Variants in WIPF2 observed in about 807,000 individuals in gnomAD.
WIPF2 encodes WAS/WASL interacting protein family member 2, also known as WAS/WASL-interacting protein family member 2.
In WIPF2, 23 loss-of-function variants were observed where a neutral mutation model predicts 38.8. That is an observed-to-expected ratio of 0.59 (90% CI 0.43 to 0.84). The LOEUF is 0.84. Ranked by LOEUF, WIPF2 falls within the 40% of genes least tolerant of loss-of-function variation. The pLI, the probability that WIPF2 is intolerant of heterozygous loss-of-function variation, is 0.00. For missense variants in WIPF2, 574 were observed against 580.5 expected (o/e 0.99, Z 0.11); for synonymous variants, 210 against 223.2 (o/e 0.94, Z 0.53).
chr17:40,246,285 C>T (rs1024771181), intron 1 of WIPF2, among the ~76,000 whole-genome samples: 3 of 151,784 alleles, frequency 2.0e-5, no homozygotes, highest in African/African-American at 7.3e-5. Flanking sequence ...GGGGTTTCAC[C>T]ACGTTGGCCA....
chr17:40,223,324 A>G (rs899095176), intron 1 of WIPF2, among the ~76,000 whole-genome samples: 2 of 151,876 alleles, frequency 1.3e-5, no homozygotes, highest in African/African-American at 2.4e-5. Flanking sequence ...TTTTTAGTAG[A>G]GACAGGGTTT....
chr17:40,246,482 T>G (rs2031368400), intron 1 of WIPF2, among the ~76,000 whole-genome samples: 1 of 143,730 alleles, frequency 7.0e-6, no homozygotes, highest in African/African-American at 2.6e-5. Context: ...CACTGCAACC[T>G]CCACCTCCTG....
At chr17:40,245,317 G>A (rs916089384) in intron 1 of WIPF2, among the ~76,000 whole-genome samples, 1 of 151,786 alleles carries the variant, frequency 6.6e-6, no homozygotes, top group African/African-American at 2.4e-5. Flanking sequence ...AGCAACCTCA[G>A]CATTGTTGAC....
At chr17:40,250,414 A>AT (rs555271448) in intron 1 of WIPF2, among the ~76,000 whole-genome samples, 1,586 of 107,060 alleles carry the variant, frequency 0.015, 18 homozygotes, top group African/African-American at 0.045. Context: ...GTATTTTTGT[A>AT]TTTTTTTTTT....
chr17:40,277,073 C>G lies in WIPF2; in HGVS notation c.1181-10C>G, dbSNP rs758539284. ...GGATGATAGGAATTAATGTTCTATT[C>G]TTTTCGCAGATGATTTTGAGTCAAA... On this transcript the variant is annotated splice_polypyrimidine_tract_variant and intron_variant, in intron 6 of 7. Transcript: ENST00000323571. The G allele has an allele frequency of 2.9e-5, 47 of 1,606,398 alleles. No homozygotes were observed. The highest frequency in any genetic ancestry group is 8.0e-5 in the African/African-American group (6 of 74,614).
At chr17:40,224,231 CT>C (rs57637591) in intron 1 of WIPF2, among the ~76,000 whole-genome samples, 392 of 110,092 alleles carry the variant, frequency 3.6e-3, no homozygotes, top group Middle Eastern at 9.7e-3. Flanking sequence ...CTTTTCTTTT[CT>C]TTTTTTTTTT....
In WIPF2 at chr17:40,262,537, G is replaced by A. The variant is rs2031945619; in HGVS notation, c.209G>A (p.Ser70Asn). 5 of 1,613,926 alleles carry A rather than the reference G, an allele frequency of 3.1e-6. No individual in the cohort carries two copies. The highest frequency in any genetic ancestry group is 4.2e-6 in the Non-Finnish European group (5 of 1,179,828). Residue 70 changes from serine (S) to asparagine (N), a missense_variant, in exon 4 of 8, where the codon AGC (serine) becomes AAC (asparagine). Coordinates refer to ENST00000323571, the MANE Select transcript of WIPF2 (RefSeq NM_133264.5). ...SAPILEKPKG[S>N]SGGYGSGGAA... is the part of the protein sequence containing the mutation. ...GTATGCTTTCCAGAGCCGAAAGGAA[G>A]CAGTGGTGGCTATGGCTCTGGAGGA... is the stretch of plus-strand genomic sequence containing the variant.
Position 40,252,277 on chromosome 17 carries a change from A to G in WIPF2, c.-69-4114A>G, listed in dbSNP as rs879416980. 4.6e-5 allele frequency among the ~76,000 whole-genome samples: 7 copies of G among 152,182 alleles called. No individual in the cohort carries two copies. In the East Asian group the frequency reaches 5.8e-4, roughly 13 times the overall value. On this transcript the variant is annotated intron_variant, in intron 1 of 7. Transcript: ENST00000323571. ...TTGTAGCACGGAGATTGGATCACCT[A>G]TGGACATGGAAAGAGTAAAGGACTT...
chr17:40,235,514 A>G (rs1013675229), intron 1 of WIPF2, among the ~76,000 whole-genome samples: 7 of 150,234 alleles, frequency 4.7e-5, no homozygotes, highest in African/African-American at 7.4e-5. Context: ...ATTGAAGCAC[A>G]TTAGTGGAGC....
intron 5 of WIPF2, 71 bp from the exon 6 acceptor site, chr17:40,273,719 A>G: frequency 2.1e-6 from 2 of 956,902 alleles, no homozygotes; most frequent in South Asian, 1.3e-5. Flanking sequence ...CTTTTAGCTC[A>G]TGTGTTTCAA....
At chr17:40,225,063 TC>T (rs1336361860) in intron 1 of WIPF2, among the ~76,000 whole-genome samples, 1 of 152,034 alleles carries the variant, frequency 6.6e-6, no homozygotes, top group African/African-American at 2.4e-5. Flanking sequence ...CATTGGCAGA[TC>T]CTGAGAGCTG....
chr17:40,264,405 G>T, intron 4 of WIPF2, 85 bp from the exon 5 acceptor site: 1 of 1,092,794 alleles, frequency 9.2e-7, no homozygotes, highest in Non-Finnish European at 1.4e-6. Context: ...TGCCATGCAG[G>T]TTGCACTAAG....
intron 4 of WIPF2, among the ~76,000 whole-genome samples, chr17:40,264,178 C>G (rs2032000832): frequency 6.6e-6 from 1 of 151,196 alleles, no homozygotes; most frequent in Admixed American, 6.6e-5. Context: ...ACTAAAAATA[C>G]AAAAATCAGC....
At chr17:40,271,728 A>G (rs1186293876) in intron 5 of WIPF2, among the ~76,000 whole-genome samples, 3 of 152,214 alleles carry the variant, frequency 2.0e-5, no homozygotes, top group Admixed American at 6.6e-5. Flanking sequence ...AAATGGGGAT[A>G]ATATTACATA....
intron 5 of WIPF2, among the ~76,000 whole-genome samples, chr17:40,270,480 A>G (rs978141361): frequency 6.6e-6 from 1 of 151,600 alleles, no homozygotes; most frequent in Non-Finnish European, 1.5e-5. Context: ...CAAACAGATC[A>G]CTCTTACCCT....
chr17:40,222,523 C>G (rs1310827976), intron 1 of WIPF2, among the ~76,000 whole-genome samples: 2 of 150,902 alleles, frequency 1.3e-5, no homozygotes, highest in African/African-American at 4.9e-5. Context: ...ACAACAACAA[C>G]AACAACAAAA....
intron 1 of WIPF2, among the ~76,000 whole-genome samples, chr17:40,250,684 A>C (rs371095271): frequency 6.6e-6 from 1 of 151,998 alleles, no homozygotes; most frequent in Non-Finnish European, 1.5e-5. Flanking sequence ...TGTAGTTCTA[A>C]TTTAATAGAT....
chr17:40,255,697 C>T (rs1359796790), intron 1 of WIPF2, among the ~76,000 whole-genome samples: 19 of 148,164 alleles, frequency 1.3e-4, no homozygotes, highest in Admixed American at 5.5e-4. Flanking sequence ...GGCACCATCT[C>T]GGCTCACTGC....
At chr17:40,242,636 A>G (rs2031231278) in intron 1 of WIPF2, among the ~76,000 whole-genome samples, 1 of 152,140 alleles carries the variant, frequency 6.6e-6, no homozygotes, top group African/African-American at 2.4e-5. Flanking sequence ...TCCTGACCTT[A>G]GGTAATCCAC....
Sources: gnomAD v4.1 joint callset for allele counts (sites outside exome capture counted in the v4.1 genomes callset) on GRCh38, gnomAD v4.1.1 for gene constraint, MANE v1.5 for transcripts, NCBI Gene and HGNC (gene_info 2026-07-23, HGNC 2026-07-21) for gene names.